Variants in FNDC3B observed in about 807,000 individuals in gnomAD.
The protein encoded by FNDC3B is fibronectin type III domain containing 3B.
In FNDC3B, 12 loss-of-function variants were observed where a neutral mutation model predicts 151.5. That is an observed-to-expected ratio of 0.08 (90% confidence interval 0.05 to 0.13). The LOEUF is 0.13. FNDC3B is among the 10% of genes least tolerant of loss of function. FNDC3B has a pLI of 1.00. For missense variants in FNDC3B, 1,214 were observed against 1,505.3 expected (o/e 0.81, Z 3.20); for synonymous variants, 528 against 549.0 (o/e 0.96, Z 0.54).
At chr3:172,321,554 GT>G in intron 11 of FNDC3B, 1 of 180,096 alleles carries the variant, frequency 5.6e-6, no homozygotes. Flanking sequence ...GTTTTGTTTT[GT>G]TTTGAGACAG....
chr3:172,247,408 A>C (rs958533987), intron 4 of FNDC3B, 125 bp from the exon 5 acceptor site: 65 of 1,005,426 alleles, frequency 6.5e-5, no homozygotes, highest in Non-Finnish European at 9.3e-5. Flanking sequence ...ACCAGAATAC[A>C]ACATGCATTT....
intron 23 of FNDC3B, among the ~76,000 whole-genome samples, chr3:172,374,763 T>A (rs962745339): frequency 3.9e-5 from 6 of 152,196 alleles, no homozygotes; most frequent in African/African-American, 1.4e-4. Flanking sequence ...TTTCACTGAT[T>A]GTACAGATGA....
At chr3:172,219,062 G>C (rs1726138215) in intron 3 of FNDC3B, among the ~76,000 whole-genome samples, 2 of 152,198 alleles carry the variant, frequency 1.3e-5, no homozygotes, top group African/African-American at 4.8e-5. Context: ...TTCCTGGGCT[G>C]GTCAGCTTGC....
chr3:172,344,367 A>T (rs942334032), intron 19 of FNDC3B, 109 bp downstream of exon 19: 2 of 873,670 alleles, frequency 2.3e-6, no homozygotes, highest in South Asian at 1.9e-5. Context: ...TCTTGATGCA[A>T]CCTTGACAAC....
chr3:172,205,915 CTTAA>C (rs745904264), intron 3 of FNDC3B, among the ~76,000 whole-genome samples: 4 of 152,068 alleles, frequency 2.6e-5, no homozygotes, highest in Non-Finnish European at 5.9e-5. Context: ...TTGTTCAGAA[CTTAA>C]TTGAGAGCTT....
At chr3:172,239,056 T>TTTA (rs200187941) in intron 4 of FNDC3B, among the ~76,000 whole-genome samples, 21 of 90,656 alleles carry the variant, frequency 2.3e-4, no homozygotes, top group African/African-American at 1.4e-3. Flanking sequence ...TTAATTTATT[T>TTTA]TTTTTTTTTT....
At chr3:172,290,985 A>C (rs1425346187) in intron 7 of FNDC3B, among the ~76,000 whole-genome samples, 1 of 152,226 alleles carries the variant, frequency 6.6e-6, no homozygotes, top group Non-Finnish European at 1.5e-5. Flanking sequence ...CCAATGTACA[A>C]GGAAATATTT....
intron 3 of FNDC3B, among the ~76,000 whole-genome samples, chr3:172,208,807 G>A (rs1413467036): frequency 6.6e-6 from 1 of 152,146 alleles, no homozygotes; most frequent in Non-Finnish European, 1.5e-5. Context: ...GTGTCTAAAT[G>A]ATTGAGCACA....
chr3:172,390,577 G>A (rs1036133507), intron 25 of FNDC3B, among the ~76,000 whole-genome samples: 1 of 150,752 alleles, frequency 6.6e-6, no homozygotes, highest in Non-Finnish European at 1.5e-5. Flanking sequence ...GGTTTGTCTT[G>A]AACTCCTAAC....
At chr3:172,390,963 TAGTC>T (rs1269087604) in intron 25 of FNDC3B, among the ~76,000 whole-genome samples, 2 of 152,080 alleles carry the variant, frequency 1.3e-5, no homozygotes, top group African/African-American at 4.8e-5. Context: ...TGGGAAGACA[TAGTC>T]AGAGGCCGTG....
chr3:172,134,491 A>G (rs1721264543), intron 3 of FNDC3B: 2 of 459,188 alleles, frequency 4.4e-6, no homozygotes, highest in Non-Finnish European at 8.8e-6. Context: ...AGGCTTTACT[A>G]TTAATACCTG....
chr3:172,091,873 G>GGTGGGTGTGTGTGTGTGT (rs1553760107), intron 1 of FNDC3B, among the ~76,000 whole-genome samples: 1 of 124,756 alleles, frequency 8.0e-6, no homozygotes, highest in South Asian at 2.7e-4. Flanking sequence ...ACTTTACTGG[G>GGTGGGTGTGTGTGTGTGT]GTGTGTGTGT....
At chr3:172,163,011 G>C (rs982938064) in intron 3 of FNDC3B, among the ~76,000 whole-genome samples, 7 of 152,192 alleles carry the variant, frequency 4.6e-5, no homozygotes, top group Non-Finnish European at 8.8e-5. Flanking sequence ...GGTGGTTCAT[G>C]CCTGTAATTC....
intron 1 of FNDC3B, among the ~76,000 whole-genome samples, chr3:172,067,822 C>G (rs1368622422): frequency 6.6e-6 from 1 of 152,178 alleles, no homozygotes; most frequent in Non-Finnish European, 1.5e-5. Flanking sequence ...TGTTTCTCTG[C>G]CACTTAACCT....
At chr3:172,263,020 T>C (rs1394376198) in intron 6 of FNDC3B, among the ~76,000 whole-genome samples, 1 of 150,852 alleles carries the variant, frequency 6.6e-6, no homozygotes, top group Non-Finnish European at 1.5e-5. Flanking sequence ...GATGTCATGC[T>C]TATTTCAAGT....
chr3:172,088,370 A>G (rs1718653868), intron 1 of FNDC3B, among the ~76,000 whole-genome samples: 1 of 152,226 alleles, frequency 6.6e-6, no homozygotes, highest in South Asian at 2.1e-4. Flanking sequence ...CATACATAAC[A>G]GAACTGAAAC....
At chr3:172,098,945 A>C (rs1430913963) in intron 1 of FNDC3B, among the ~76,000 whole-genome samples, 5 of 152,166 alleles carry the variant, frequency 3.3e-5, no homozygotes, top group Non-Finnish European at 5.9e-5. Context: ...GTTTGTGAGA[A>C]GTGGTTTCCC....
At chr3:172,281,192 A>G (rs1037931301) in intron 6 of FNDC3B, among the ~76,000 whole-genome samples, 2 of 148,928 alleles carry the variant, frequency 1.3e-5, no homozygotes, top group Non-Finnish European at 3.0e-5. Flanking sequence ...ACACTATACA[A>G]GAGTGCCTTA....
At chr3:172,354,407 A>ATAT (rs1272381329) in intron 22 of FNDC3B, among the ~76,000 whole-genome samples, 1 of 151,814 alleles carries the variant, frequency 6.6e-6, no homozygotes, top group East Asian at 1.9e-4. Flanking sequence ...AGTTCAATTA[A>ATAT]TATTTTTGCT....
Sources: allele counts gnomAD v4.1 joint callset (sites outside exome capture counted in the v4.1 genomes callset), GRCh38; gene constraint gnomAD v4.1.1; transcripts MANE v1.5; gene names NCBI Gene and HGNC (gene_info 2026-07-23, HGNC 2026-07-21).